Variants in CUL1 observed in about 807,000 individuals in gnomAD.
CUL1 encodes cullin-1.
A neutral mutation model predicts 118.0 loss-of-function variants in CUL1; 24 were observed. The observed-to-expected ratio is 0.20, with a 90% CI of 0.15 to 0.29. CUL1 has a LOEUF of 0.29. Among genes scored for constraint, CUL1 ranks in the 10% least tolerant of loss-of-function variants. CUL1 has a pLI of 1.00. For missense variants in CUL1, 361 were observed against 933.8 expected (o/e 0.39, Z 7.99); for synonymous variants, 332 against 340.4 (o/e 0.98, Z 0.27).
At chr7:148,735,757 CGTGT>C (rs774635555) in intron 2 of CUL1, among the ~76,000 whole-genome samples, 5 of 151,626 alleles carry the variant, frequency 3.3e-5, no homozygotes, top group Non-Finnish European at 4.4e-5. Flanking sequence ...CTATCCTTCT[CGTGT>C]GTGTGTGTGT....
chr7:148,789,937 G>A, intron 15 of CUL1, 111 bp downstream of exon 15: 2 of 983,526 alleles, frequency 2.0e-6, no homozygotes, highest in Non-Finnish European at 3.2e-6. Context: ...CTGGCTGGCT[G>A]CATCACGGTG....
At chr7:148,798,705 T>C (rs1801289338) in intron 20 of CUL1, 28 bp downstream of exon 20, 1 of 1,583,510 alleles carries the variant, frequency 6.3e-7, no homozygotes, top group Non-Finnish European at 8.7e-7. Context: ...CTGTGCCAGG[T>C]GTGCTGTCCC....
rs778753298 is a variant in CUL1 at position 148,786,980 on chromosome 7, C to T, written c.1348-9C>T. The T allele has an allele frequency of 2.8e-6, 4 of 1,419,224 alleles. No homozygotes were observed. The highest frequency in any genetic ancestry group is 3.7e-6 in the Non-Finnish European group (4 of 1,081,206). 87.9% of individuals were successfully genotyped at this position (1,419,224 alleles called of 1,614,324 possible). A position where few individuals can be genotyped will look rare whatever the true frequency, so the allele number is the denominator to read the frequency against. ...CTGGTTAAGTGTGTTGTCTCGGTGGCTTTGCCAGATGGTTGTCTTCAAGTA... is the reference window on the plus strand; with the variant it reads ...CTGGTTAAGTGTGTTGTCTCGGTGGTTTTGCCAGATGGTTGTCTTCAAGTA... On this transcript the variant is annotated splice_polypyrimidine_tract_variant and intron_variant, in intron 12 of 21. Transcript: ENST00000325222.
rs188056951 is a variant in CUL1 at position 148,786,170 on chromosome 7, A to T, written c.1299-381A>T. Among the ~76,000 whole-genome samples the T allele has an allele frequency of 2.0e-5, 3 of 152,204 alleles. No individual in the cohort carries two copies. The East Asian group carries it at 5.8e-4, about 29-fold the overall frequency. On this transcript the variant is annotated intron_variant, in intron 11 of 21. Coordinates refer to ENST00000325222, the MANE Select transcript of CUL1 (RefSeq NM_003592.3). ...ATGACTGGGCCATGAAAGGGAATCT[A>T]TGTGCCTTTTTATTTCTCCAAAGTT... is the stretch of plus-strand genomic sequence containing the variant.
intron 7 of CUL1, among the ~76,000 whole-genome samples, chr7:148,763,130 G>T (rs1799890918): frequency 6.6e-6 from 1 of 151,816 alleles, no homozygotes; most frequent in Non-Finnish European, 1.5e-5. Context: ...CTGGGCAACA[G>T]AGTGAGACTC....
intron 12 of CUL1, 122 bp downstream of exon 12, chr7:148,786,721 T>G (rs2129462854): frequency 1.1e-6 from 1 of 928,522 alleles, no homozygotes; most frequent in Non-Finnish European, 1.6e-6. Context: ...ATTTTGAATC[T>G]CTGGTTTTAC....
chr7:148,739,346 G>A (rs190794279), intron 2 of CUL1, among the ~76,000 whole-genome samples: 3 of 152,182 alleles, frequency 2.0e-5, no homozygotes, highest in Non-Finnish European at 2.9e-5. Flanking sequence ...AGCTAAGACT[G>A]TGTGTCATCA....
chr7:148,700,027 C>T (rs978737637), intron 1 of CUL1, among the ~76,000 whole-genome samples: 15 of 152,128 alleles, frequency 9.9e-5, no homozygotes, highest in African/African-American at 2.9e-4. Flanking sequence ...TGAAATGAAT[C>T]CCCAAAGTTA....
chr7:148,727,084 C>T (rs1213338782), intron 1 of CUL1, among the ~76,000 whole-genome samples: 1 of 152,122 alleles, frequency 6.6e-6, no homozygotes, highest in African/African-American at 2.4e-5. Context: ...GTCTGTTTAC[C>T]ATTAAGAGTA....
At chr7:148,791,878 G>A (rs980476993) in intron 16 of CUL1, among the ~76,000 whole-genome samples, 3 of 152,244 alleles carry the variant, frequency 2.0e-5, no homozygotes, top group Admixed American at 6.5e-5. Flanking sequence ...GAACCAACAC[G>A]TGCTACCTGT....
chr7:148,730,294 TAG>T (rs780979172), intron 2 of CUL1, 32 bp downstream of exon 2: 1 of 1,574,670 alleles, frequency 6.4e-7, no homozygotes, highest in African/African-American at 1.4e-5. Context: ...GTTGATTGCT[TAG>T]AGTTTTGATT....
At chr7:148,720,089 T>G (rs1273105725) in intron 1 of CUL1, among the ~76,000 whole-genome samples, 1 of 152,222 alleles carries the variant, frequency 6.6e-6, no homozygotes, top group Admixed American at 6.5e-5. Flanking sequence ...TATTAACTCC[T>G]TTCTTTATAT....
intron 16 of CUL1, among the ~76,000 whole-genome samples, chr7:148,791,968 C>T (rs1801026331): frequency 6.6e-6 from 1 of 152,190 alleles, no homozygotes; most frequent in Non-Finnish European, 1.5e-5. Context: ...GCAGGCAGAT[C>T]ACAAGGTCAG....
intron 2 of CUL1, among the ~76,000 whole-genome samples, chr7:148,747,180 G>T (rs757031466): frequency 2.0e-5 from 3 of 152,162 alleles, no homozygotes; most frequent in South Asian, 2.1e-4. Flanking sequence ...CCATTTTGCT[G>T]CACTTTAGCT....
At chr7:148,794,282 G>C (rs1312700977) in intron 17 of CUL1, among the ~76,000 whole-genome samples, 1 of 151,940 alleles carries the variant, frequency 6.6e-6, no homozygotes, top group Non-Finnish European at 1.5e-5. Context: ...TTGTGGTTTT[G>C]GTGTCATTTT....
chr7:148,783,679 T>C (rs572482121), intron 9 of CUL1, 104 bp from the exon 10 acceptor site: 19 of 1,570,206 alleles, frequency 1.2e-5, no homozygotes, highest in Non-Finnish European at 1.6e-5. Flanking sequence ...AAGGTATCTA[T>C]AGCTTTTAGA....
At chr7:148,699,535 C>T (rs990726354) in intron 1 of CUL1, among the ~76,000 whole-genome samples, 6 of 152,162 alleles carry the variant, frequency 3.9e-5, no homozygotes, top group African/African-American at 1.4e-4. Context: ...CGCGTGTTCC[C>T]CTGTGAGCTC....
intron 1 of CUL1, among the ~76,000 whole-genome samples, chr7:148,703,790 C>T (rs925983522): frequency 1.5e-4 from 23 of 152,150 alleles, no homozygotes; most frequent in African/African-American, 5.5e-4. Context: ...CTTAGCCTGC[C>T]AAAGTGCTGG....
chr7:148,793,333 T>G (rs553038258), intron 17 of CUL1, among the ~76,000 whole-genome samples: 1 of 152,318 alleles, frequency 6.6e-6, no homozygotes, highest in African/African-American at 2.4e-5. Context: ...TGACATAACA[T>G]AAAAGTCATT....
Sources: gnomAD v4.1 joint callset for allele counts (sites outside exome capture counted in the v4.1 genomes callset) on GRCh38, gnomAD v4.1.1 for gene constraint, MANE v1.5 for transcripts, NCBI Gene and HGNC (gene_info 2026-07-23, HGNC 2026-07-21) for gene names.